BPIFA2: variants seen among roughly 807,000 people sequenced by gnomAD.
BPIFA2 encodes the protein BPI fold-containing family A member 2.
BPIFA2 carries 20 observed loss-of-function variants against 25.7 expected under a neutral mutation model. The observed-to-expected ratio is 0.78, with a 90% confidence interval of 0.55 to 1.13. The LOEUF (loss-of-function observed/expected upper bound fraction) is 1.13. Ranked by LOEUF, BPIFA2 falls within the 50% of genes most tolerant of loss-of-function variation. The pLI is 0.00. For missense variants in BPIFA2, 300 were observed against 298.1 expected (o/e 1.01, Z -0.05); for synonymous variants, 126 against 124.3 (o/e 1.01, Z -0.09).
intron 2 of BPIFA2, among the ~76,000 whole-genome samples, chr20:33,169,833 T>C (rs1983842081): frequency 6.6e-6 from 1 of 152,244 alleles, no homozygotes; most frequent in Non-Finnish European, 1.5e-5. Context: ...TTAATATTCT[T>C]TTATGGACTT....
chr20:33,162,940 A>G (rs1313436001), intron 1 of BPIFA2, among the ~76,000 whole-genome samples: 4 of 152,242 alleles, frequency 2.6e-5, no homozygotes, highest in Admixed American at 2.0e-4. Flanking sequence ...GCACTGTGCC[A>G]GGGACAGCAG....
chr20:33,162,631 A>G (rs1316080802), intron 1 of BPIFA2, among the ~76,000 whole-genome samples: 1 of 152,202 alleles, frequency 6.6e-6, no homozygotes, highest in African/African-American at 2.4e-5. Flanking sequence ...GCAGATGATC[A>G]TGGTCACCAT....
intron 3 of BPIFA2, 58 bp from the exon 4 acceptor site, chr20:33,174,021 G>A (rs1983990316): frequency 1.4e-6 from 2 of 1,439,606 alleles, no homozygotes; most frequent in African/African-American, 1.4e-5. Context: ...GCCCAGGGAA[G>A]TGGTTGGCAA....
At position 33,178,201 on chromosome 20, in the gene BPIFA2, C is replaced by T. The variant is rs1984150308; in HGVS notation, c.618C>T (p.Ser206=). 2 of 1,604,274 alleles carry T rather than the reference C, an allele frequency of 1.2e-6. No individual in the cohort carries two copies. Among genetic ancestry groups the T allele is most frequent in the African/African-American group, 2.7e-5 (2 of 74,676 alleles). ...FVNSVINTLK[S]TVSSLLQKEI... is the part of the protein sequence containing the mutation. ...ATAGCGTGATCAACACGCTGAAAAG[C>T]ACTGTATCCTCCCTGCTGCAGAAGG... is the stretch of plus-strand genomic sequence containing the variant. The change falls in exon 6 of 9, where the codon AGC becomes AGT. Residue 206 remains serine, a synonymous_variant. Coordinates refer to ENST00000354932, the MANE Select transcript of BPIFA2 (RefSeq NM_080574.4).
intron 1 of BPIFA2, among the ~76,000 whole-genome samples, chr20:33,163,158 T>C (rs1199402700): frequency 6.6e-6 from 1 of 152,190 alleles, no homozygotes; most frequent in Non-Finnish European, 1.5e-5. Flanking sequence ...GACGAATGAA[T>C]GAATGACAGG....
At chr20:33,165,561 T>A (rs1415024267), upstream of BPIFA2, among the ~76,000 whole-genome samples, 1 of 152,194 alleles carries the variant, frequency 6.6e-6, no homozygotes, top group East Asian at 1.9e-4. Context: ...GCATGACCTC[T>A]TAGGCTGTTT....
At chr20:33,178,268 T>C in intron 6 of BPIFA2, 40 bp downstream of exon 6, 1 of 1,432,262 alleles carries the variant, frequency 7.0e-7, no homozygotes, top group East Asian at 2.3e-5. Flanking sequence ...CCAGGCCTGG[T>C]GGGGGCAGGT....
chr20:33,166,439 A>T (rs574136120), upstream of BPIFA2, among the ~76,000 whole-genome samples: 2 of 152,206 alleles, frequency 1.3e-5, no homozygotes, highest in Non-Finnish European at 1.5e-5. Context: ...CTTCTTCGCC[A>T]TCTTTGCTGT....
chr20:33,180,555 A>G lies in BPIFA2; in HGVS notation c.745A>G (p.Ile249Val). 6.2e-7 allele frequency: 1 copy of G among 1,612,386 alleles called. No individual in the cohort carries two copies. Among genetic ancestry groups the G allele is most frequent in the Non-Finnish European group, 8.5e-7 (1 of 1,178,398 alleles). Residue 249 changes from isoleucine (I) to valine (V), a missense_variant, in exon 8 of 9, where the codon ATC becomes GTC. Coordinates refer to ENST00000354932, the MANE Select transcript of BPIFA2 (RefSeq NM_080574.4). ...GCACAAAACCCAGCTGCAAACCCTC[A>G]TCTGAAGAGGACGAATGAGGAGGAC... ...PQHKTQLQTL[I>V]
chr20:33,180,440 G>A (rs2146458980), intron 7 of BPIFA2, 80 bp from the exon 8 acceptor site: 1 of 1,479,372 alleles, frequency 6.8e-7, no homozygotes, highest in East Asian at 2.3e-5. Flanking sequence ...ACCGGCTGGA[G>A]AGCGGCATCT....
rs540870812 is a variant in BPIFA2 at position 33,175,526 on chromosome 20, A to T, written c.530A>T (p.Asp177Val). ...PVAVLGECAS[D>V]PTSISLSLLD... ...GCCGTCCTGGGAGAATGCGCCAGTG[A>T]CCCAACCAGCATCTCACTTTCCTTG... The change falls in exon 5 of 9, where the codon GAC (aspartate) becomes GTC (valine). Residue 177 changes from aspartate (D) to valine (V), a missense_variant. Coordinates refer to ENST00000354932, the MANE Select transcript of BPIFA2 (RefSeq NM_080574.4). The T allele has an allele frequency of 6.2e-7, 1 of 1,614,102 alleles. No homozygotes were observed. The highest frequency in any genetic ancestry group is 1.1e-5 in the South Asian group (1 of 91,064).
intron 8 of BPIFA2, 139 bp from the exon 9 acceptor site, chr20:33,181,085 G>A (rs190624245): frequency 2.1e-4 from 33 of 153,678 alleles, no homozygotes; most frequent in Non-Finnish European, 3.6e-4. Context: ...GACTTAAACC[G>A]CATGGGGTAT....
In BPIFA2 at chr20:33,178,129, G is replaced by A. The variant is rs761553728; in HGVS notation, c.564-18G>A. ...TTGCCCACTTGACCAGACTTTAATA[G>A]TTCCCTGTGTTTTCCAGACACAGCC... is the stretch of plus-strand genomic sequence containing the variant. On this transcript the variant is annotated intron_variant, in intron 5 of 8. Coordinates refer to ENST00000354932, the MANE Select transcript of BPIFA2 (RefSeq NM_080574.4). 1.9e-6 allele frequency: 3 copies of A among 1,576,020 alleles called. No homozygotes were observed. The highest frequency in any genetic ancestry group is 2.6e-6 in the Non-Finnish European group (3 of 1,148,804).
intron 1 of BPIFA2, among the ~76,000 whole-genome samples, chr20:33,168,819 T>C (rs1003027120): frequency 5.3e-5 from 8 of 152,154 alleles, no homozygotes; most frequent in African/African-American, 1.9e-4. Context: ...ATGTAGGAAT[T>C]GACCTAAGTG....
intron 2 of BPIFA2, among the ~76,000 whole-genome samples, chr20:33,170,458 C>T (rs1367305763): frequency 6.6e-6 from 1 of 152,176 alleles, no homozygotes; most frequent in Non-Finnish European, 1.5e-5. Flanking sequence ...GTCACCCAAG[C>T]TAGAGTACAC....
chr20:33,176,196 G>A (rs1052927055), intron 5 of BPIFA2, among the ~76,000 whole-genome samples: 3 of 152,240 alleles, frequency 2.0e-5, no homozygotes, highest in Non-Finnish European at 4.4e-5. Context: ...GAAATTTCCT[G>A]AAAGGAGATC....
intron 8 of BPIFA2, 92 bp downstream of exon 8, chr20:33,180,689 G>A (rs1984248794): frequency 3.1e-5 from 33 of 1,048,792 alleles, no homozygotes; most frequent in Non-Finnish European, 4.7e-5. Context: ...TTAGAAGACT[G>A]TGCCTTCATC....
intron 2 of BPIFA2, among the ~76,000 whole-genome samples, chr20:33,171,139 TGTA>T (rs1299421917): frequency 1.3e-5 from 2 of 152,222 alleles, no homozygotes; most frequent in Non-Finnish European, 2.9e-5. Context: ...ACTGTATCCT[TGTA>T]GTATAGTTTG....
chr20:33,174,064 G>A lies in BPIFA2; in HGVS notation c.303-15G>A. On this transcript the variant is annotated splice_polypyrimidine_tract_variant and intron_variant, in intron 3 of 8. Coordinates refer to ENST00000354932, the MANE Select transcript of BPIFA2 (RefSeq NM_080574.4). Reference sequence around the variant, plus strand: ...TCATGAGGAGTGACAAGGGTGAATTGTGGGTTTCACACAGGTTGAAAATCA... The same window carrying A: ...TCATGAGGAGTGACAAGGGTGAATTATGGGTTTCACACAGGTTGAAAATCA... The A allele has an allele frequency of 6.2e-7, 1 of 1,608,296 alleles. No individual in the cohort carries two copies. The highest frequency in any genetic ancestry group is 8.5e-7 in the Non-Finnish European group (1 of 1,174,658).
Sources: allele counts gnomAD v4.1 joint callset (sites outside exome capture counted in the v4.1 genomes callset), GRCh38; gene constraint gnomAD v4.1.1; transcripts MANE v1.5; gene names NCBI Gene and HGNC (gene_info 2026-07-23, HGNC 2026-07-21).